The following FLI1 variants were observed in gnomAD, a reference collection of about 807,000 sequenced individuals.
The protein encoded by FLI1 is Fli-1 proto-oncogene, ETS transcription factor.
A neutral mutation model predicts 53.1 loss-of-function variants in FLI1; 13 were observed. The observed-to-expected ratio is 0.24, with a 90% confidence interval of 0.16 to 0.39. FLI1 has a LOEUF of 0.39. Ranked by LOEUF, FLI1 falls within the 10% of genes least tolerant of loss-of-function variation. FLI1 has a pLI of 1.00. For missense variants in FLI1, 424 were observed against 600.5 expected (o/e 0.71, Z 3.07); for synonymous variants, 244 against 236.7 (o/e 1.03, Z -0.28).
At chr11:128,718,335 A>C (rs1389561097) in intron 1 of FLI1, among the ~76,000 whole-genome samples, 1 of 152,142 alleles carries the variant, frequency 6.6e-6, no homozygotes, top group East Asian at 1.9e-4. Flanking sequence ...AAATCCTTCC[A>C]CTTCTCCTAA....
At chr11:128,696,365 C>T (rs952977878) in intron 1 of FLI1, among the ~76,000 whole-genome samples, 9 of 152,188 alleles carry the variant, frequency 5.9e-5, no homozygotes, top group South Asian at 2.1e-4. Context: ...GTTTTCTGTT[C>T]GCATGTGACC....
At chr11:128,690,210 G>C (rs1221048177), upstream of FLI1, among the ~76,000 whole-genome samples, 3 of 152,182 alleles carry the variant, frequency 2.0e-5, no homozygotes, top group East Asian at 5.8e-4. Flanking sequence ...GAGTTTTGGC[G>C]CTTGCCCGCC....
At chr11:128,698,733 T>TGTGTGTGTGTGTGTGA (rs766077047) in intron 1 of FLI1, among the ~76,000 whole-genome samples, 49 of 133,820 alleles carry the variant, frequency 3.7e-4, no homozygotes, top group Non-Finnish European at 6.9e-4. Flanking sequence ...TGTGTGTGTG[T>TGTGTGTGTGTGTGTGA]GAGAGAGAGA....
intron 1 of FLI1, among the ~76,000 whole-genome samples, chr11:128,688,661 G>A (rs978656652): frequency 6.6e-6 from 1 of 152,172 alleles, no homozygotes; most frequent in African/African-American, 2.4e-5. Flanking sequence ...CAGTGGTCTG[G>A]GCTCTGAGGG....
chr11:128,717,180 G>A (rs777856785), intron 1 of FLI1, among the ~76,000 whole-genome samples: 1 of 152,044 alleles, frequency 6.6e-6, no homozygotes, highest in Non-Finnish European at 1.5e-5. Context: ...TCAAGCGATG[G>A]GGAGATTACC....
intron 1 of FLI1, among the ~76,000 whole-genome samples, chr11:128,715,325 C>T (rs622735): frequency 0.044 from 6,701 of 152,336 alleles, 225 homozygotes; most frequent in Non-Finnish European, 0.066. Context: ...GGTGTTCCCA[C>T]ATGCCTCCAC....
chr11:128,757,472 T>C (rs1250150801), intron 1 of FLI1, among the ~76,000 whole-genome samples: 3 of 152,170 alleles, frequency 2.0e-5, no homozygotes, highest in African/African-American at 7.2e-5. Flanking sequence ...CACTGAGCAT[T>C]TCTTACAAGC....
chr11:128,803,196 G>T (rs1942681496), intron 5 of FLI1, among the ~76,000 whole-genome samples: 1 of 152,044 alleles, frequency 6.6e-6, no homozygotes, highest in South Asian at 2.1e-4. Context: ...GCTCCCACTA[G>T]AATTATCTCC....
At chr11:128,707,943 C>G (rs1388933971) in intron 1 of FLI1, among the ~76,000 whole-genome samples, 1 of 152,148 alleles carries the variant, frequency 6.6e-6, no homozygotes, top group Non-Finnish European at 1.5e-5. Flanking sequence ...TTTTTTCTCT[C>G]CTAAATGTCC....
intron 1 of FLI1, among the ~76,000 whole-genome samples, chr11:128,733,833 A>G (rs1939797736): frequency 6.6e-6 from 1 of 152,240 alleles, no homozygotes; most frequent in African/African-American, 2.4e-5. Context: ...AGAGAGGCAC[A>G]TGTTGATGCA....
intron 1 of FLI1, among the ~76,000 whole-genome samples, chr11:128,688,433 C>A (rs949010426): frequency 6.6e-6 from 1 of 152,200 alleles, no homozygotes; most frequent in Non-Finnish European, 1.5e-5. Flanking sequence ...GTGGCAGGGA[C>A]AATCTTGAGT....
intron 5 of FLI1, among the ~76,000 whole-genome samples, chr11:128,796,364 G>C (rs898461228): frequency 1.3e-5 from 2 of 152,190 alleles, no homozygotes; most frequent in Non-Finnish European, 2.9e-5. Flanking sequence ...ATACACTAGA[G>C]GAGGTTAGAG....
At chr11:128,801,688 C>T (rs574269888) in intron 5 of FLI1, among the ~76,000 whole-genome samples, 53 of 152,320 alleles carry the variant, frequency 3.5e-4, no homozygotes, top group African/African-American at 1.3e-3. Context: ...GGGTTCTCTT[C>T]AGCTAGTGAT....
intron 1 of FLI1, among the ~76,000 whole-genome samples, chr11:128,734,194 G>A (rs1939819110): frequency 6.6e-6 from 1 of 152,244 alleles, no homozygotes; most frequent in African/African-American, 2.4e-5. Flanking sequence ...AAAGGAAAAT[G>A]CGAGAAAAAG....
At chr11:128,751,824 G>GGTTTT (rs1940658505) in intron 1 of FLI1, among the ~76,000 whole-genome samples, 1 of 138,084 alleles carries the variant, frequency 7.2e-6, no homozygotes, top group African/African-American at 2.9e-5. Context: ...TTTTTTTTTT[G>GGTTTT]GGTTTGTTTT....
chr11:128,811,090 C>T lies in FLI1; in HGVS notation c.*102C>T. Reference sequence around the variant, plus strand: ...ATGTGGCCTTGAAGGGAAGACAAAACTGGATGTTCTTTCTTGTTGGATAGA... The same window carrying T: ...ATGTGGCCTTGAAGGGAAGACAAAATTGGATGTTCTTTCTTGTTGGATAGA... On this transcript the variant is annotated 3_prime_UTR_variant, in exon 9 of 9. Transcript: ENST00000527786. 1 of 1,081,650 alleles carries T rather than the reference C, an allele frequency of 9.2e-7. No homozygotes were observed. The highest frequency in any genetic ancestry group is 1.4e-6 in the Non-Finnish European group (1 of 723,484). The allele number at this position is 1,081,650 out of a possible 1,614,324, so 67.0% of individuals were successfully genotyped here.
chr11:128,702,803 A>C (rs1015950856), intron 1 of FLI1, among the ~76,000 whole-genome samples: 2 of 151,740 alleles, frequency 1.3e-5, no homozygotes, highest in Non-Finnish European at 2.9e-5. Flanking sequence ...TGGAGGTTGC[A>C]GTGAGCCAAG....
rs912200590 is a variant in FLI1, at chr11:128,753,015, C to A, written c.19-5100C>A. Among the ~76,000 whole-genome samples the A allele has an allele frequency of 4.6e-5, 7 of 152,314 alleles. No homozygotes were observed. The East Asian group carries it at 1.4e-3, about 29-fold the overall frequency. ...ATCTGCTGTAGCTCAGATGCCACCCCAAGCAGCTTGCCTTGCCAGAGGTCT... is the reference window on the plus strand; with the variant it reads ...ATCTGCTGTAGCTCAGATGCCACCCAAAGCAGCTTGCCTTGCCAGAGGTCT... On this transcript the variant is annotated intron_variant, in intron 1 of 8. Transcript: ENST00000527786.
intron 1 of FLI1, among the ~76,000 whole-genome samples, chr11:128,744,257 G>C (rs1940276611): frequency 6.6e-6 from 1 of 152,198 alleles, no homozygotes; most frequent in Non-Finnish European, 1.5e-5. Flanking sequence ...GCATAAAGCG[G>C]AACTGTTCCA....
Sources: gnomAD v4.1 joint callset for allele counts (sites outside exome capture counted in the v4.1 genomes callset) on GRCh38, gnomAD v4.1.1 for gene constraint, MANE v1.5 for transcripts, NCBI Gene and HGNC (gene_info 2026-07-23, HGNC 2026-07-21) for gene names.